Variants in ARNT observed in about 807,000 individuals in gnomAD.
The protein encoded by ARNT is class E basic helix-loop-helix protein 2.
In ARNT, 30 loss-of-function variants were observed where a neutral mutation model predicts 105.0. The ratio of observed to expected loss-of-function variants is 0.29; its 90% CI spans 0.21 to 0.39. The LOEUF is 0.39. Ranked by LOEUF, ARNT falls within the 10% of genes least tolerant of loss-of-function variation. The probability of loss-of-function intolerance (pLI) is 1.00; values close to 1 mark genes in which losing one functional copy is unlikely to be tolerated. For synonymous variants in ARNT, 304 were observed against 344.0 expected, an observed-to-expected ratio of 0.88 and a Z score of 1.29; for missense variants, 748 against 978.7, an observed-to-expected ratio of 0.76 and a Z score of 3.15.
chr1:150,819,974 T>C (rs12094510), intron 14 of ARNT, among the ~76,000 whole-genome samples: 81 of 152,194 alleles, frequency 5.3e-4, no homozygotes, highest in African/African-American at 1.9e-3. Flanking sequence ...AAAACTCAAA[T>C]AGAAAAGTGC....
intron 12 of ARNT, among the ~76,000 whole-genome samples, chr1:150,826,866 C>T (rs996595590): frequency 6.6e-6 from 1 of 151,742 alleles, no homozygotes; most frequent in Non-Finnish European, 1.5e-5. Flanking sequence ...AGGCTGGTCT[C>T]GAACTCCTGA....
At chr1:150,819,201 A>C (rs587668428) in intron 14 of ARNT, among the ~76,000 whole-genome samples, 1 of 150,378 alleles carries the variant, frequency 6.6e-6, no homozygotes, top group South Asian at 2.1e-4. Flanking sequence ...TAACCTGACA[A>C]TTGATACCTA....
chr1:150,843,589 A>C lies in ARNT; in HGVS notation c.228-1121T>G, dbSNP rs115050464. Among the ~76,000 whole-genome samples, 729 of 152,344 alleles carry C rather than the reference A, an allele frequency of 4.8e-3. 3 individuals carry two copies. Among genetic ancestry groups the C allele is most frequent in the Non-Finnish European group, 7.3e-3 (498 of 68,030 alleles). On this transcript the variant is annotated intron_variant, in intron 4 of 21. Coordinates refer to ENST00000358595, the MANE Select transcript of ARNT (RefSeq NM_001668.4). The stretch of plus-strand genomic sequence containing the variant: ...GAAGGAGAACTGAGTGATATTCAGC[A>C]GTTTAGAGTTTTACATTCCTTGGGT...
intron 2 of ARNT, among the ~76,000 whole-genome samples, chr1:150,855,665 G>A (rs587747202): frequency 5.5e-4 from 84 of 151,900 alleles, no homozygotes; most frequent in African/African-American, 1.9e-3. Context: ...ACTTTAGGAC[G>A]TCGAGATGGG....
rs1315471032 is a variant in ARNT at position 150,817,142 on chromosome 1, C to G, written c.1639G>C (p.Gly547Arg). The change falls in exon 17 of 22, where the codon GGT (glycine) becomes CGT (arginine). Residue 547 changes from glycine (G) to arginine (R), a missense_variant. Gly to Arg is a moderately radical substitution (Grantham distance 125). This residue lies in a region of ARNT where 360 missense variants were observed against 411.9 expected (regional missense o/e 0.87). Transcript: ENST00000358595. ...GGATCTCTATCCTGGGCAAATAAAC[C>G]ATCTGACTTCTCAAGGGGCTTGCTG... The part of the protein sequence containing the change: ...EHSKPLEKSD[G>R]LFAQDRDPRF... 6.2e-7 allele frequency: 1 copy of G among 1,614,120 alleles called. No homozygotes were observed. Among genetic ancestry groups the G allele is most frequent in the East Asian group, 2.2e-5 (1 of 44,878 alleles).
chr1:150,834,668 G>T, intron 7 of ARNT, 28 bp from the exon 8 acceptor site: 1 of 1,604,600 alleles, frequency 6.2e-7, no homozygotes, highest in Non-Finnish European at 8.5e-7. Flanking sequence ...GAGCAGTCTG[G>T]AGTGCATTTT....
chr1:150,828,032 C>T (rs1428964281), intron 12 of ARNT, among the ~76,000 whole-genome samples: 1 of 152,080 alleles, frequency 6.6e-6, no homozygotes. Flanking sequence ...TTATATATTC[C>T]TGGTACAAAT....
chr1:150,874,237 A>G (rs111482487), intron 1 of ARNT, among the ~76,000 whole-genome samples: 5 of 152,180 alleles, frequency 3.3e-5, no homozygotes, highest in Non-Finnish European at 7.3e-5. Context: ...TTTCCCAAAA[A>G]GCAACAGGCT....
chr1:150,845,749 A>G (rs1485090036), intron 4 of ARNT, among the ~76,000 whole-genome samples: 1 of 151,966 alleles, frequency 6.6e-6, no homozygotes, highest in Non-Finnish European at 1.5e-5. Flanking sequence ...TAAAAATACA[A>G]AAATTAGCTG....
Position 150,810,453 on chromosome 1 carries a change from T to C in ARNT, c.*1568A>G. 1 of 222,466 alleles carries C rather than the reference T, an allele frequency of 4.5e-6. No homozygotes were observed. The highest frequency in any genetic ancestry group is 9.0e-6 in the Non-Finnish European group (1 of 110,962). The allele number at this position is 222,466 out of a possible 1,614,324, so 13.8% of individuals were successfully genotyped here. On this transcript the variant is annotated 3_prime_UTR_variant, in exon 22 of 22. Coordinates refer to ENST00000358595, the MANE Select transcript of ARNT (RefSeq NM_001668.4). The stretch of plus-strand genomic sequence containing the variant: ...GCACATAGAATAAAAAAATAAACTG[T>C]CTCCTTTTTTACTCCACTACCTGGC...
At chr1:150,835,038 G>A (rs984665222) in intron 7 of ARNT, among the ~76,000 whole-genome samples, 3 of 151,780 alleles carry the variant, frequency 2.0e-5, no homozygotes, top group African/African-American at 7.3e-5. Context: ...TGAGGCAGGA[G>A]GACTGCTTGA....
intron 21 of ARNT, among the ~76,000 whole-genome samples, 196 bp downstream of exon 21, chr1:150,812,976 C>T (rs1350936159): frequency 1.3e-5 from 2 of 152,312 alleles, no homozygotes; most frequent in East Asian, 3.9e-4. Context: ...ACATCATATA[C>T]ACAAGCACCA....
intron 14 of ARNT, among the ~76,000 whole-genome samples, chr1:150,818,678 G>A (rs1264023321): frequency 6.6e-6 from 1 of 152,132 alleles, no homozygotes; most frequent in African/African-American, 2.4e-5. Flanking sequence ...GAGCCTGGGA[G>A]GCGGAGGTTG....
chr1:150,836,141 G>C, intron 7 of ARNT, 139 bp downstream of exon 7: 1 of 710,114 alleles, frequency 1.4e-6, no homozygotes, highest in South Asian at 2.0e-5. Context: ...AAAAAGAACT[G>C]ACTATATTCA....
At chr1:150,861,326 T>C in intron 1 of ARNT, 1 of 396,332 alleles carries the variant, frequency 2.5e-6, no homozygotes, top group Non-Finnish European at 4.8e-6. Flanking sequence ...CAAGACAACA[T>C]CGCAAAAAAA....
In ARNT at chr1:150,871,907, CAAAA is replaced by C. The variant is rs776523588; in HGVS notation, c.25+4632_25+4635del. ...TGGGCGACACAGTAAGACCCTGTCT[CAAAA>C]AAAAAAAAAAAAAAAAAAAAAGGCC... On this transcript the variant is annotated intron_variant, in intron 1 of 21. Transcript: ENST00000358595. Among the ~76,000 whole-genome samples, 332 of 40,062 alleles carry C rather than the reference CAAAA, an allele frequency of 8.3e-3. 3 individuals are homozygous for C. Among genetic ancestry groups the C allele is most frequent in the African/African-American group, 0.032 (286 of 8,916 alleles). 26.3% of individuals were successfully genotyped at this position (40,062 alleles called of 152,430 possible).
In ARNT at chr1:150,839,536, T is replaced by C. The variant is rs761507962; in HGVS notation, c.391A>G (p.Ile131Val). Residue 131 changes from isoleucine (I) to valine (V), a missense_variant, in exon 6 of 22, where the codon ATC (isoleucine) becomes GTC (valine). By Grantham distance (29) the Ile-to-Val change is conservative. This residue lies in a region of ARNT where 291 missense variants were observed against 444.6 expected (regional missense o/e 0.65). Coordinates refer to ENST00000358595, the MANE Select transcript of ARNT (RefSeq NM_001668.4). Reference sequence around the variant, plus strand: ...ATGTGAGAAACTGCCATGCGTAAGATGGTTAGCTTGTCTGGTTTTCGAGCC... The same window carrying C: ...ATGTGAGAAACTGCCATGCGTAAGACGGTTAGCTTGTCTGGTTTTCGAGCC... ...ALARKPDKLTILRMAVSHMKS... is the reference protein window; with the variant it reads ...ALARKPDKLTVLRMAVSHMKS... 3.1e-6 allele frequency: 5 copies of C among 1,614,182 alleles called. No homozygotes were observed. In the South Asian group the frequency reaches 4.4e-5, roughly 14 times the overall value.
At chr1:150,870,354 A>G (rs977770885) in intron 1 of ARNT, among the ~76,000 whole-genome samples, 1 of 152,224 alleles carries the variant, frequency 6.6e-6, no homozygotes, top group Non-Finnish European at 1.5e-5. Flanking sequence ...TCATATTAAC[A>G]GTGGGTTTTA....
At chr1:150,819,256 C>G (rs1314804710) in intron 14 of ARNT, among the ~76,000 whole-genome samples, 1 of 150,522 alleles carries the variant, frequency 6.6e-6, no homozygotes, top group Non-Finnish European at 1.5e-5. Context: ...CAAGTGTTAA[C>G]AAGGATGTGG....
Sources: gnomAD v4.1 joint callset for allele counts (sites outside exome capture counted in the v4.1 genomes callset) on GRCh38, gnomAD v4.1.1 for gene constraint, gnomAD v4.1.1 regional missense constraint, MANE v1.5 for transcripts, NCBI Gene and HGNC (gene_info 2026-07-23, HGNC 2026-07-21) for gene names.